ARAP2: variants seen among roughly 807,000 people sequenced by gnomAD.
The protein encoded by ARAP2 is arf-GAP with Rho-GAP domain, ANK repeat and PH domain-containing protein 2.
In ARAP2, 148 loss-of-function variants were observed where a neutral mutation model predicts 194.5. That is an observed-to-expected ratio of 0.76 (90% CI 0.67 to 0.87). The LOEUF (loss-of-function observed/expected upper bound fraction) is 0.87. ARAP2 is among the 40% of genes least tolerant of loss of function. The pLI is 0.00. For missense variants in ARAP2, 2,128 were observed against 1,989.7 expected (o/e 1.07, Z -1.32); for synonymous variants, 695 against 683.5 (o/e 1.02, Z -0.26).
chr4:36,197,121 C>T (rs567005141), intron 6 of ARAP2, among the ~76,000 whole-genome samples: 6 of 151,532 alleles, frequency 4.0e-5, no homozygotes, highest in Admixed American at 1.3e-4. Flanking sequence ...TTGCAAAATA[C>T]GCATTTTATT....
chr4:36,026,088 TCTCA>T (rs1375480167), intron 5 of ARAP2, among the ~76,000 whole-genome samples: 5 of 152,314 alleles, frequency 3.3e-5, no homozygotes, highest in South Asian at 2.1e-4. Context: ...AAAATTTCTT[TCTCA>T]CTATTTTAAA....
chr4:36,192,810 A>G (rs886779531), intron 7 of ARAP2, among the ~76,000 whole-genome samples: 1 of 152,224 alleles, frequency 6.6e-6, no homozygotes, highest in African/African-American at 2.4e-5. Context: ...CAGCCTGGCC[A>G]ACATGGTGAA....
intron 12 of ARAP2, among the ~76,000 whole-genome samples, chr4:36,161,094 C>A (rs1202409851): frequency 6.6e-6 from 1 of 151,574 alleles, no homozygotes; most frequent in Non-Finnish European, 1.5e-5. Flanking sequence ...CAAATGTTTT[C>A]ATTCACTCTC....
chr4:36,145,027 T>C (rs769692087), intron 19 of ARAP2, among the ~76,000 whole-genome samples: 7 of 152,098 alleles, frequency 4.6e-5, no homozygotes, highest in Admixed American at 6.6e-5. Flanking sequence ...CAGCAAACCA[T>C]ACTGAACCAG....
At chr4:36,146,162 A>C (rs544968826) in intron 19 of ARAP2, among the ~76,000 whole-genome samples, 1 of 152,030 alleles carries the variant, frequency 6.6e-6, no homozygotes, top group South Asian at 2.1e-4. Flanking sequence ...CACTTATCTA[A>C]TCCATCAGCA....
At chr4:36,116,825 T>A (rs947344916) in intron 25 of ARAP2, among the ~76,000 whole-genome samples, 4 of 151,702 alleles carry the variant, frequency 2.6e-5, no homozygotes, top group Non-Finnish European at 5.9e-5. Context: ...GCTTGGGGTA[T>A]TTTCCAGAAC....
At chr4:36,100,178 C>T (rs965818572) in intron 27 of ARAP2, among the ~76,000 whole-genome samples, 2 of 151,948 alleles carry the variant, frequency 1.3e-5, no homozygotes, top group Admixed American at 6.6e-5. Context: ...GTAGCAGTAA[C>T]CCTAAGACAG....
intron 11 of ARAP2, among the ~76,000 whole-genome samples, chr4:36,161,835 G>A (rs575956278): frequency 2.0e-5 from 3 of 148,412 alleles, no homozygotes; most frequent in East Asian, 2.0e-4. Context: ...ACGGCCTGGC[G>A]CGGTGGCTCA....
At chr4:36,032,872 T>G (rs1489585936) in intron 5 of ARAP2, among the ~76,000 whole-genome samples, 1 of 152,150 alleles carries the variant, frequency 6.6e-6, no homozygotes, top group African/African-American at 2.4e-5. Context: ...TTCCCCTCGT[T>G]GTGTCCATGA....
intron 28 of ARAP2, among the ~76,000 whole-genome samples, chr4:36,084,319 T>C (rs74768364): frequency 0.019 from 2,965 of 152,196 alleles, 67 homozygotes; most frequent in East Asian, 0.096. Context: ...ACAATGCATA[T>C]GCCATATGTT....
In ARAP2 at chr4:36,210,470, T is replaced by A. The variant is rs760388721; in HGVS notation, c.1407A>T (p.Ala469=). ...NADSSAVSSQ[A]ISPYACFYGA... ...CATAAAAGCAGGCATAGGGAGATAT[T>A]GCCTGTGAAGAAACGGCTGATGAAT... is the stretch of plus-strand genomic sequence containing the variant. Residue 469 remains alanine (A), a synonymous_variant, in exon 6 of 33, where the codon GCA becomes GCT. Transcript: ENST00000303965. 2.5e-6 allele frequency: 4 copies of A among 1,613,846 alleles called. No individual in the cohort carries two copies. The East Asian group carries it at 6.7e-5, about 27-fold the overall frequency.
At chr4:36,072,690 C>CA (rs5857471) in intron 32 of ARAP2, among the ~76,000 whole-genome samples, 2,867 of 141,184 alleles carry the variant, frequency 0.02, 47 homozygotes, top group South Asian at 0.042. Flanking sequence ...CCAAAAAAAA[C>CA]AAAAAAAAAA....
intron 5 of ARAP2, among the ~76,000 whole-genome samples, chr4:36,042,947 A>G (rs2109230390): frequency 6.6e-6 from 1 of 151,816 alleles, no homozygotes; most frequent in Non-Finnish European, 1.5e-5. Flanking sequence ...GGTTCAAGCA[A>G]TTCTCCTGCC....
At chr4:36,234,299 C>T (rs574269469) in intron 1 of ARAP2, among the ~76,000 whole-genome samples, 2 of 152,280 alleles carry the variant, frequency 1.3e-5, no homozygotes, top group East Asian at 3.9e-4. Context: ...TTCTATGTGT[C>T]CTCACATGGC....
At chr4:36,019,908 G>A (rs1202070924) in intron 5 of ARAP2, among the ~76,000 whole-genome samples, 1 of 152,080 alleles carries the variant, frequency 6.6e-6, no homozygotes, top group Non-Finnish European at 1.5e-5. Context: ...ACCCTCAGTG[G>A]ATGTCTGAAA....
intron 27 of ARAP2, among the ~76,000 whole-genome samples, chr4:36,104,598 G>GA (rs1023279068): frequency 4.0e-5 from 6 of 151,826 alleles, no homozygotes; most frequent in Admixed American, 2.6e-4. Flanking sequence ...ATAACTATAA[G>GA]AAAAAATCAC....
chr4:36,072,602 T>C (rs1727257825), intron 32 of ARAP2, among the ~76,000 whole-genome samples: 1 of 151,308 alleles, frequency 6.6e-6, no homozygotes, highest in African/African-American at 2.4e-5. Context: ...AATGTAACTC[T>C]TAGAATTTTA....
At position 36,210,685 on chromosome 4, in the gene ARAP2, G is replaced by A. The variant is rs373071788; in HGVS notation, c.1192C>T (p.Pro398Ser). 22 of 1,612,714 alleles carry A rather than the reference G, an allele frequency of 1.4e-5. No homozygotes were observed. The highest frequency in any genetic ancestry group is 4.5e-5 in the East Asian group (2 of 44,878). The change falls in exon 6 of 33, where the codon CCT becomes TCT. Residue 398 changes from proline (P) to serine (S), a missense_variant. Pro to Ser is a moderately conservative substitution (Grantham distance 74, BLOSUM62 -1). Coordinates refer to ENST00000303965, the MANE Select transcript of ARAP2 (RefSeq NM_015230.4). ...SEDKVEDIWI[P>S]REDKNNFLID... is the part of the protein sequence containing the mutation. Reference sequence around the variant, plus strand: ...AAAAAATTGTTTTTGTCCTCTCGAGGTATCCAAATATCTTCCACCTTGTCC... The same window carrying A: ...AAAAAATTGTTTTTGTCCTCTCGAGATATCCAAATATCTTCCACCTTGTCC...
intron 27 of ARAP2, among the ~76,000 whole-genome samples, chr4:36,092,876 C>T (rs964245478): frequency 1.1e-4 from 16 of 152,044 alleles, no homozygotes; most frequent in South Asian, 2.1e-4. Flanking sequence ...CTCAAATCCA[C>T]AAATTTTTAA....
Sources: gnomAD v4.1 joint callset for allele counts (sites outside exome capture counted in the v4.1 genomes callset) on GRCh38, gnomAD v4.1.1 for gene constraint, MANE v1.5 for transcripts, NCBI Gene and HGNC (gene_info 2026-07-23, HGNC 2026-07-21) for gene names.